Variants in LRRC4C observed in about 807,000 individuals in gnomAD.
The protein encoded by LRRC4C is leucine-rich repeat-containing protein 4C.
A neutral mutation model predicts 33.6 loss-of-function variants in LRRC4C; 5 were observed. The observed-to-expected ratio is 0.15, with a 90% CI of 0.08 to 0.31. The LOEUF (loss-of-function observed/expected upper bound fraction) is 0.31, where lower values mean the gene tolerates loss of function less well. LRRC4C is among the 10% of genes least tolerant of loss of function. The probability of loss-of-function intolerance (pLI) is 1.00; values close to 1 mark genes in which losing one functional copy is unlikely to be tolerated. For missense variants in LRRC4C, 560 were observed against 796.7 expected (o/e 0.70, Z 3.58); for synonymous variants, 329 against 302.0 (o/e 1.09, Z -0.93).
intron 1 of LRRC4C, among the ~76,000 whole-genome samples, chr11:41,421,152 A>G (rs1247689554): frequency 6.6e-6 from 1 of 152,050 alleles, no homozygotes; most frequent in African/African-American, 2.4e-5. Context: ...TTCTATATGT[A>G]AAGCTCTTAG....
At chr11:40,162,628 T>G (rs1417517536) in intron 5 of LRRC4C, among the ~76,000 whole-genome samples, 1 of 152,184 alleles carries the variant, frequency 6.6e-6, no homozygotes, top group Non-Finnish European at 1.5e-5. Flanking sequence ...GCTTTGTAGC[T>G]CAGTGTTCAT....
chr11:40,421,962 C>T (rs528044942), intron 3 of LRRC4C, among the ~76,000 whole-genome samples: 2 of 152,322 alleles, frequency 1.3e-5, no homozygotes, highest in African/African-American at 2.4e-5. Context: ...GAGTTGAAAC[C>T]GTGTTACCCC....
At chr11:41,215,308 T>G (rs1312653434) in intron 1 of LRRC4C, among the ~76,000 whole-genome samples, 1 of 151,460 alleles carries the variant, frequency 6.6e-6, no homozygotes, top group Non-Finnish European at 1.5e-5. Context: ...GCCAACATGG[T>G]GAAACCCTGC....
chr11:40,577,781 C>G (rs1434763832), intron 3 of LRRC4C, among the ~76,000 whole-genome samples: 1 of 151,820 alleles, frequency 6.6e-6, no homozygotes, highest in Non-Finnish European at 1.5e-5. Context: ...TGTTCTACAT[C>G]CTTTAAAACC....
At chr11:40,364,851 T>C (rs752290329) in intron 3 of LRRC4C, among the ~76,000 whole-genome samples, 6 of 151,900 alleles carry the variant, frequency 3.9e-5, no homozygotes, top group African/African-American at 7.2e-5. Flanking sequence ...AGACTTCTTA[T>C]TGGGAAAAAG....
intron 2 of LRRC4C, among the ~76,000 whole-genome samples, chr11:40,692,363 T>C (rs1025519283): frequency 6.6e-6 from 1 of 152,044 alleles, no homozygotes; most frequent in African/African-American, 2.4e-5. Context: ...TTCTTCACTT[T>C]CCACCGGTTC....
intron 2 of LRRC4C, among the ~76,000 whole-genome samples, chr11:40,887,840 A>G (rs958650066): frequency 6.6e-6 from 1 of 152,042 alleles, no homozygotes; most frequent in Admixed American, 6.6e-5. Context: ...TTTGCATTCT[A>G]TATCCTTGTG....
chr11:40,242,486 A>G (rs1426880040), intron 4 of LRRC4C, among the ~76,000 whole-genome samples: 4 of 152,250 alleles, frequency 2.6e-5, no homozygotes, highest in Non-Finnish European at 5.9e-5. Flanking sequence ...CTGAGAGATC[A>G]TCTGGACTTA....
chr11:40,452,558 T>C (rs1023933770), intron 3 of LRRC4C, among the ~76,000 whole-genome samples: 1 of 152,104 alleles, frequency 6.6e-6, no homozygotes, highest in African/African-American at 2.4e-5. Context: ...TGTGGAGAAA[T>C]AGGAACACTT....
At chr11:41,404,238 TC>T (rs1468347678) in intron 1 of LRRC4C, among the ~76,000 whole-genome samples, 1 of 152,010 alleles carries the variant, frequency 6.6e-6, no homozygotes, top group African/African-American at 2.4e-5. Context: ...CTGCCAATAT[TC>T]CCAAGTTTCC....
intron 3 of LRRC4C, among the ~76,000 whole-genome samples, chr11:40,517,220 T>C (rs1955596495): frequency 6.6e-6 from 1 of 152,144 alleles, no homozygotes; most frequent in African/African-American, 2.4e-5. Context: ...GTATGTGAAA[T>C]ACGGAATAAC....
At chr11:41,300,898 A>G (rs1950265586) in intron 1 of LRRC4C, among the ~76,000 whole-genome samples, 1 of 152,136 alleles carries the variant, frequency 6.6e-6, no homozygotes, top group Non-Finnish European at 1.5e-5. Flanking sequence ...CCAATCTATA[A>G]TTATTTTTAT....
At chr11:40,994,097 A>C (rs891850023) in intron 1 of LRRC4C, among the ~76,000 whole-genome samples, 1 of 148,226 alleles carries the variant, frequency 6.7e-6, no homozygotes, top group Non-Finnish European at 1.5e-5. Context: ...GTGGAGTGTT[A>C]CTCAATTTTT....
At chr11:40,343,018 T>A (rs755125782) in intron 3 of LRRC4C, among the ~76,000 whole-genome samples, 20 of 151,860 alleles carry the variant, frequency 1.3e-4, no homozygotes, top group Middle Eastern at 3.4e-3. Flanking sequence ...CGCATTTTTT[T>A]ATTTTATATA....
intron 1 of LRRC4C, among the ~76,000 whole-genome samples, chr11:41,284,986 T>C (rs917718538): frequency 6.6e-6 from 1 of 152,204 alleles, no homozygotes. Flanking sequence ...TTTCATCTAA[T>C]TGGTGAAGTA....
At chr11:40,329,762 G>C (rs1220101228) in intron 3 of LRRC4C, among the ~76,000 whole-genome samples, 1 of 115,302 alleles carries the variant, frequency 8.7e-6, no homozygotes, top group Non-Finnish European at 1.7e-5. Context: ...TTTTTTTTGA[G>C]ATGGAGTCTC....
At chr11:40,457,220 A>G (rs995298224) in intron 3 of LRRC4C, among the ~76,000 whole-genome samples, 2 of 152,042 alleles carry the variant, frequency 1.3e-5, no homozygotes, top group African/African-American at 4.8e-5. Flanking sequence ...GATATGAAGT[A>G]GAGAACAATT....
chr11:40,808,142 T>C (rs1019171522), intron 2 of LRRC4C, among the ~76,000 whole-genome samples: 2 of 152,110 alleles, frequency 1.3e-5, no homozygotes, highest in African/African-American at 4.8e-5. Context: ...GTAAGAAATG[T>C]AGTAAAATTA....
At chr11:40,608,740 T>C (rs1960892577) in intron 3 of LRRC4C, among the ~76,000 whole-genome samples, 1 of 152,132 alleles carries the variant, frequency 6.6e-6, no homozygotes, top group South Asian at 2.1e-4. Context: ...ATGAAAAAGA[T>C]ATTCCATGCA....
Sources: allele counts gnomAD v4.1 joint callset (sites outside exome capture counted in the v4.1 genomes callset), GRCh38; gene constraint gnomAD v4.1.1; transcripts MANE v1.5; gene names NCBI Gene and HGNC (gene_info 2026-07-23, HGNC 2026-07-21).